Variants in LUM observed in about 807,000 individuals in gnomAD.
LUM encodes lumican, also known as KSPG lumican.
In LUM, 13 loss-of-function variants were observed where a neutral mutation model predicts 20.5. That is an observed-to-expected ratio of 0.63 (90% CI 0.41 to 1.01). The LOEUF (loss-of-function observed/expected upper bound fraction) is 1.01. LUM is among the 50% of genes least tolerant of loss of function. The probability of loss-of-function intolerance (pLI) is 0.00; values close to 1 mark genes in which losing one functional copy is unlikely to be tolerated. For synonymous variants in LUM, 173 were observed against 151.5 expected (o/e 1.14, Z -1.04); for missense variants, 321 against 391.1 (o/e 0.82, Z 1.51).
In LUM at chr12:91,108,631, G is replaced by A; in HGVS notation, c.349C>T (p.Gln117Ter). The change falls in exon 2 of 3, where the codon CAA (glutamine) becomes TAA (stop). Residue 117 changes from glutamine to a stop codon, truncating the protein, a stop_gained. Coordinates refer to ENST00000266718, the MANE Select transcript of LUM (RefSeq NM_002345.4). LOFTEE classifies it high-confidence loss of function. This position sits in a 1 kb window ranked among gnomAD's most constrained non-coding sequence, Gnocchi z 4.2. ...TGGTTTATATGCAGCTTCTTCAGTT[G>A]TTTCAATTTAGAGAAAACTCTCCCT... ...IKGRVFSKLK[Q>*]LKKLHINHNN... The A allele has an allele frequency of 6.2e-7, 1 of 1,613,834 alleles. No individual in the cohort carries two copies. The highest frequency in any genetic ancestry group is 8.5e-7 in the Non-Finnish European group (1 of 1,179,944).
At chr12:91,107,213 AAGAG>A (rs1225884693) in intron 2 of LUM, among the ~76,000 whole-genome samples, 2 of 143,812 alleles carry the variant, frequency 1.4e-5, no homozygotes, top group Middle Eastern at 3.2e-3. Context: ...GAAAGAAAGA[AAGAG>A]AGAAAGAAGA....
In LUM at chr12:91,109,481, G is replaced by T. The variant is rs139085108; in HGVS notation, c.-21-481C>A. On this transcript the variant is annotated intron_variant, in intron 1 of 2. Transcript: ENST00000266718. ...ATATGGGCAACCTGAGGTTTTGCTT[G>T]TATGTGGGAGGGAAATGGAAGGCAC... Among the ~76,000 whole-genome samples the T allele has an allele frequency of 4.6e-5, 7 of 152,290 alleles. No homozygotes were observed. In the East Asian group the frequency reaches 1.4e-3, roughly 29 times the overall value.
chr12:91,107,978 G>T lies in LUM; in HGVS notation c.862+140C>A. Reference sequence around the variant, plus strand: ...TCCGCCCACTTCGGCCTCCCAAAATGCTGGATTTACAGGAATGAGCCACAG... The same window carrying T: ...TCCGCCCACTTCGGCCTCCCAAAATTCTGGATTTACAGGAATGAGCCACAG... On this transcript the variant is annotated intron_variant, in intron 2 of 2. Transcript: ENST00000266718. The T allele has an allele frequency of 1.0e-5, 10 of 978,222 alleles. No individual in the cohort carries two copies. The South Asian group carries it at 1.1e-4, about 11-fold the overall frequency. The allele number at this position is 978,222 out of a possible 1,614,324, so 60.6% of individuals were successfully genotyped here. A position where few individuals can be genotyped will look rare whatever the true frequency, so the allele number is the denominator to read the frequency against.
chr12:91,107,253 A>AG (rs1880073738), intron 2 of LUM, among the ~76,000 whole-genome samples: 1 of 27,926 alleles, frequency 3.6e-5, no homozygotes, highest in Non-Finnish European at 9.5e-5. Context: ...GAAAGAAAGA[A>AG]AGAAAGAAAG....
intron 2 of LUM, among the ~76,000 whole-genome samples, chr12:91,107,321 GAA>G (rs796665281): frequency 3.6e-4 from 43 of 118,020 alleles, no homozygotes; most frequent in East Asian, 2.3e-3. Context: ...AAGAAAGAAA[GAA>G]AGAAAGAAAG....
At chr12:91,109,990 A>G (rs1880167054) in intron 1 of LUM, among the ~76,000 whole-genome samples, 1 of 152,200 alleles carries the variant, frequency 6.6e-6, no homozygotes, top group African/African-American at 2.4e-5. Context: ...TTCAATTGAG[A>G]ATATGAATTT....
intron 2 of LUM, among the ~76,000 whole-genome samples, chr12:91,107,255 GAAAGAAA>G (rs1173375103): frequency 0.032 from 2,163 of 67,202 alleles, 197 homozygotes; most frequent in South Asian, 0.069. Context: ...AAGAAAGAAA[GAAAGAAA>G]GAAAGAAAGA....
At position 91,108,472 on chromosome 12, in the gene LUM, G is replaced by A. The variant is rs756589791; in HGVS notation, c.508C>T (p.Arg170Trp). 3.7e-6 allele frequency: 6 copies of A among 1,613,916 alleles called. No individual in the cohort carries two copies. Among genetic ancestry groups the A allele is most frequent in the Admixed American group, 3.3e-5 (2 of 59,998 alleles). The change falls in exon 2 of 3, where the codon CGG (arginine) becomes TGG (tryptophan). Residue 170 changes from arginine (R) to tryptophan (W), a missense_variant. By Grantham distance (101) the Arg-to-Trp change is moderately radical. Transcript: ENST00000266718. This position sits in a 1 kb window ranked among gnomAD's most constrained non-coding sequence, Gnocchi z 4.2. ...NLTFIHLQHN[R>W]LKEDAVSAAF... is the part of the protein sequence containing the mutation. The stretch of plus-strand genomic sequence containing the variant: ...GCTGAAACAGCATCCTCTTTCAGCC[G>A]ATTGTGCTGGAGATGGATGAAGGTC...
Position 91,108,073 on chromosome 12 carries a change from A to G in LUM, c.862+45T>C. ...TCTGTGTTGTGCAGCCCAGGTATTT[A>G]AACACTTGAGCACACATCAAACACA... On this transcript the variant is annotated intron_variant, in intron 2 of 2. Coordinates refer to ENST00000266718, the MANE Select transcript of LUM (RefSeq NM_002345.4). The surrounding 1 kb of genome is among the most constrained non-coding windows in gnomAD (Gnocchi z 4.2). 1 of 1,606,182 alleles carries G rather than the reference A, an allele frequency of 6.2e-7. No homozygotes were observed. Among genetic ancestry groups the G allele is most frequent in the Non-Finnish European group, 8.5e-7 (1 of 1,173,352 alleles).
Position 91,108,477 on chromosome 12 carries a change from T to C in LUM, c.503A>G (p.His168Arg), listed in dbSNP as rs770986108. Residue 168 changes from histidine to arginine, a missense_variant, in exon 2 of 3, where the codon CAC becomes CGC. Transcript: ENST00000266718. This position sits in a 1 kb window ranked among gnomAD's most constrained non-coding sequence, Gnocchi z 4.2. ...AACAGCATCCTCTTTCAGCCGATTG[T>C]GCTGGAGATGGATGAAGGTCAGGTT... ...LVNLTFIHLQ[H>R]NRLKEDAVSA... 1 of 1,614,122 alleles carries C rather than the reference T, an allele frequency of 6.2e-7. No individual in the cohort carries two copies. The highest frequency in any genetic ancestry group is 1.1e-5 in the South Asian group (1 of 91,076).
At chr12:91,107,238 G>GGAAAGAAAGAAAGAAAGAAA (rs1555188589) in intron 2 of LUM, among the ~76,000 whole-genome samples, 1 of 67,298 alleles carries the variant, frequency 1.5e-5, no homozygotes, top group South Asian at 7.0e-4. Context: ...AAGAAAGAAA[G>GGAAAGAAAGAAAGAAAGAAA]GAAAGAAAGA....
rs565081672 is a variant in LUM at position 91,111,430 on chromosome 12, T to C, written c.-54A>G. 2.0e-5 allele frequency: 3 copies of C among 150,356 alleles called. No homozygotes were observed. Among genetic ancestry groups the C allele is most frequent in the Admixed American group, 6.7e-5 (1 of 14,830 alleles). 9.3% of individuals were successfully genotyped at this position (150,356 alleles called of 1,614,324 possible). On this transcript the variant is annotated 5_prime_UTR_variant, in exon 1 of 3. Coordinates refer to ENST00000266718, the MANE Select transcript of LUM (RefSeq NM_002345.4). ...TCTTGACACTGCTTTCGTTAATTCT[T>C]AAAGCAGATGCACTATGGACAAGAA...
At position 91,108,640 on chromosome 12, in the gene LUM, T is replaced by C. The variant is rs748141794; in HGVS notation, c.340A>G (p.Lys114Glu). The C allele has an allele frequency of 6.2e-7, 1 of 1,614,026 alleles. No homozygotes were observed. Among genetic ancestry groups the C allele is most frequent in the East Asian group, 2.2e-5 (1 of 44,878 alleles). ...TGCAGCTTCTTCAGTTGTTTCAATT[T>C]AGAGAAAACTCTCCCTTTTATCTTG... ...NSKIKGRVFS[K>E]LKQLKKLHIN... The change falls in exon 2 of 3, where the codon AAA becomes GAA. Residue 114 changes from lysine to glutamate, a missense_variant. By Grantham distance (56) the Lys-to-Glu change is moderately conservative. Coordinates refer to ENST00000266718, the MANE Select transcript of LUM (RefSeq NM_002345.4). The surrounding 1 kb of genome is among the most constrained non-coding windows in gnomAD (Gnocchi z 4.2).
In LUM at chr12:91,104,193, C is replaced by A. The variant is rs747899454; in HGVS notation, c.989G>T (p.Arg330Leu). Residue 330 changes from arginine to leucine, a missense_variant, in exon 3 of 3, where the codon CGT becomes CTT. Coordinates refer to ENST00000266718, the MANE Select transcript of LUM (RefSeq NM_002345.4). ...ATTAAGAGTGACTTCGTTAGCAACACGTAGACATTCATACATATCCGGTGG... is the reference window on the plus strand; with the variant it reads ...ATTAAGAGTGACTTCGTTAGCAACAAGTAGACATTCATACATATCCGGTGG... ...SLPPDMYECL[R>L]VANEVTLN The A allele has an allele frequency of 9.9e-6, 16 of 1,612,592 alleles. No homozygotes were observed. The highest frequency in any genetic ancestry group is 1.4e-5 in the Non-Finnish European group (16 of 1,178,960).
At chr12:91,106,713 A>AAAT (rs1480459391) in intron 2 of LUM, among the ~76,000 whole-genome samples, 1 of 147,904 alleles carries the variant, frequency 6.8e-6, no homozygotes, top group Non-Finnish European at 1.5e-5. Flanking sequence ...AAAAAAAAAG[A>AAAT]TGTTAGAATC....
rs2121052760 is a variant in LUM at position 91,108,792 on chromosome 12, A to AT, written c.187dup (p.Met63AsnfsTer12). ...AAGATACTTGATTCCAGGAGGCACC[A>AT]TTGGTACACTTTTCAATTTCAGCTC... is the stretch of plus-strand genomic sequence containing the variant. On this transcript the variant is annotated frameshift_variant, in exon 2 of 3. Coordinates refer to ENST00000266718, the MANE Select transcript of LUM (RefSeq NM_002345.4). LOFTEE classifies it high-confidence loss of function. This position sits in a 1 kb window ranked among gnomAD's most constrained non-coding sequence, Gnocchi z 4.2. 6.2e-7 allele frequency: 1 copy of AT among 1,614,098 alleles called. No individual in the cohort carries two copies. The highest frequency in any genetic ancestry group is 1.3e-5 in the African/African-American group (1 of 75,052).
Position 91,110,661 on chromosome 12 carries a change from G to C in LUM, c.-22+737C>G, listed in dbSNP as rs575768329. On this transcript the variant is annotated intron_variant, in intron 1 of 2. Transcript: ENST00000266718. ...GCAACTATAATGTGAGTATTAAATA[G>C]TAATGAAAAATGCTTCCATATTTTT... Among the ~76,000 whole-genome samples, 3 of 152,202 alleles carry C rather than the reference G, an allele frequency of 2.0e-5. No individual in the cohort carries two copies. The South Asian group carries it at 6.2e-4, about 32-fold the overall frequency.
At chr12:91,110,794 C>A (rs1288444421) in intron 1 of LUM, among the ~76,000 whole-genome samples, 1 of 152,068 alleles carries the variant, frequency 6.6e-6, no homozygotes, top group African/African-American at 2.4e-5. Context: ...TTTCAAATAC[C>A]TGTGGCTATA....
chr12:91,107,289 GAAAGAAAGAAAGAAAGAAAGAA>G (rs1565758434), intron 2 of LUM, among the ~76,000 whole-genome samples: 8 of 72,762 alleles, frequency 1.1e-4, no homozygotes, highest in Admixed American at 6.0e-4. Flanking sequence ...GAAAGAAAGA[GAAAGAAAGAAAGAAAGAAAGAA>G]AGAAAGAAAG....
Sources: allele counts gnomAD v4.1 joint callset (sites outside exome capture counted in the v4.1 genomes callset), GRCh38; gene constraint gnomAD v4.1.1; non-coding constraint Gnocchi (gnomAD v3.1); transcripts MANE v1.5; gene names NCBI Gene and HGNC (gene_info 2026-07-23, HGNC 2026-07-21).